The following DSTYK variants were observed in gnomAD, a reference collection of about 807,000 sequenced individuals.
DSTYK encodes RIP-homologous kinase.
A neutral mutation model predicts 98.7 loss-of-function variants in DSTYK; 34 were observed. The observed-to-expected ratio is 0.34, with a 90% CI of 0.26 to 0.46. The LOEUF (loss-of-function observed/expected upper bound fraction) is 0.46. Ranked by LOEUF, DSTYK falls within the 20% of genes least tolerant of loss-of-function variation. The probability of loss-of-function intolerance (pLI) is 1.00; values close to 1 mark genes in which losing one functional copy is unlikely to be tolerated. For synonymous variants in DSTYK, 462 were observed against 457.3 expected (o/e 1.01, Z -0.13); for missense variants, 962 against 1,181.7 (o/e 0.81, Z 2.73).
chr1:205,165,048 A>C (rs1444610628), intron 3 of DSTYK, among the ~76,000 whole-genome samples: 1 of 152,156 alleles, frequency 6.6e-6, no homozygotes, highest in East Asian at 1.9e-4. Context: ...TCCCTAGCAT[A>C]TTAATGAGAA....
intron 1 of DSTYK, among the ~76,000 whole-genome samples, chr1:205,205,233 C>A (rs1475936628): frequency 6.6e-6 from 1 of 152,106 alleles, no homozygotes. Context: ...CCATCCCAGT[C>A]TCAGCACTGC....
chr1:205,174,508 G>A (rs1193723163), intron 2 of DSTYK, among the ~76,000 whole-genome samples: 9 of 98,426 alleles, frequency 9.1e-5, no homozygotes, highest in South Asian at 1.2e-3. Flanking sequence ...GTGAGACTCC[G>A]TCTCCAAAAA....
chr1:205,187,507 C>T lies in DSTYK; in HGVS notation c.565G>A (p.Glu189Lys), dbSNP rs1658588949. 1 of 1,614,080 alleles carries T rather than the reference C, an allele frequency of 6.2e-7. No individual in the cohort carries two copies. Among genetic ancestry groups the T allele is most frequent in the Non-Finnish European group, 8.5e-7 (1 of 1,180,050 alleles). Residue 189 changes from glutamate (E) to lysine (K), a missense_variant, in exon 2 of 13, where the codon GAG (glutamate) becomes AAG (lysine). By Grantham distance (56) the Glu-to-Lys change is moderately conservative. Coordinates refer to ENST00000367162, the MANE Select transcript of DSTYK (RefSeq NM_015375.3). ...TTCTCTTGGACCTCCAGATCCTCCTCAGGGATGGTCTCCCAGTTGCCCTGA... is the reference window on the plus strand; with the variant it reads ...TTCTCTTGGACCTCCAGATCCTCCTTAGGGATGGTCTCCCAGTTGCCCTGA... ...AHQGNWETIPEEDLEVQENNE... is the reference protein window; with the variant it reads ...AHQGNWETIPKEDLEVQENNE...
In DSTYK at chr1:205,187,797, C is replaced by T. The variant is rs779211149; in HGVS notation, c.275G>A (p.Ser92Asn). 6.2e-7 allele frequency: 1 copy of T among 1,610,020 alleles called. No homozygotes were observed. Among genetic ancestry groups the T allele is most frequent in the Non-Finnish European group, 8.5e-7 (1 of 1,177,698 alleles). The change falls in exon 2 of 13, where the codon AGC becomes AAC. Residue 92 changes from serine (S) to asparagine (N), a missense_variant. Physicochemically the swap from Ser to Asn is conservative, Grantham distance 46. Coordinates refer to ENST00000367162, the MANE Select transcript of DSTYK (RefSeq NM_015375.3). Reference sequence around the variant, plus strand: ...TTCCTTAGGTGGGAAGGAAATGCAGCTCAGTTGGCCTGGTTGGGGAAGGGG... The same window carrying T: ...TTCCTTAGGTGGGAAGGAAATGCAGTTCAGTTGGCCTGGTTGGGGAAGGGG... ...AETGLQAGQL[S>N]CISFPPKEEK...
intron 1 of DSTYK, among the ~76,000 whole-genome samples, chr1:205,207,472 C>T (rs1012360516): frequency 1.3e-5 from 2 of 151,066 alleles, no homozygotes; most frequent in African/African-American, 4.9e-5. Context: ...TTTCCCATGC[C>T]GGGCACAGTG....
intron 2 of DSTYK, among the ~76,000 whole-genome samples, chr1:205,186,920 T>C (rs190850264): frequency 2.9e-3 from 442 of 152,286 alleles, no homozygotes; most frequent in Non-Finnish European, 4.7e-3. Flanking sequence ...AAATGATCTA[T>C]CCTCTGTACT....
chr1:205,199,461 T>G (rs747888186), intron 1 of DSTYK, among the ~76,000 whole-genome samples: 1 of 152,162 alleles, frequency 6.6e-6, no homozygotes, highest in Non-Finnish European at 1.5e-5. Flanking sequence ...AGAGTCTCAT[T>G]TATAGCTCAA....
At chr1:205,197,479 T>TA (rs1315484456) in intron 1 of DSTYK, among the ~76,000 whole-genome samples, 1 of 152,176 alleles carries the variant, frequency 6.6e-6, no homozygotes, top group East Asian at 1.9e-4. Flanking sequence ...TCGCAACACT[T>TA]ACGTATGTTT....
chr1:205,166,001 G>A (rs545852281), intron 3 of DSTYK, among the ~76,000 whole-genome samples: 2 of 150,956 alleles, frequency 1.3e-5, no homozygotes, highest in South Asian at 2.1e-4. Context: ...CAGCCTGGGC[G>A]ACAGAACAAG....
intron 1 of DSTYK, among the ~76,000 whole-genome samples, chr1:205,205,831 T>C (rs937763223): frequency 1.3e-5 from 2 of 152,142 alleles, no homozygotes; most frequent in East Asian, 3.8e-4. Context: ...AAAAAGAAGG[T>C]GAAGAATGTT....
At chr1:205,154,760 C>T (rs1317532629) in intron 10 of DSTYK, among the ~76,000 whole-genome samples, 2 of 152,124 alleles carry the variant, frequency 1.3e-5, no homozygotes, top group Non-Finnish European at 2.9e-5. Context: ...TTCCTAGAGA[C>T]TTGTTGAATG....
intron 4 of DSTYK, 40 bp from the exon 5 acceptor site, chr1:205,163,046 T>C (rs1657781212): frequency 7.8e-6 from 12 of 1,530,550 alleles, no homozygotes; most frequent in Non-Finnish European, 1.1e-5. Context: ...TCCTCAGTAG[T>C]GTGGCTATTT....
intron 2 of DSTYK, among the ~76,000 whole-genome samples, chr1:205,179,562 A>G (rs1209500304): frequency 6.6e-6 from 1 of 150,740 alleles, no homozygotes; most frequent in Non-Finnish European, 1.5e-5. Flanking sequence ...CAGAGCTTGC[A>G]GTGAGCCGAG....
At chr1:205,157,545 T>A (rs1657599178) in intron 9 of DSTYK, among the ~76,000 whole-genome samples, 159 bp from the exon 10 acceptor site, 1 of 151,918 alleles carries the variant, frequency 6.6e-6, no homozygotes, top group African/African-American at 2.4e-5. Context: ...GAGGCCAAGG[T>A]CAAGAATTTC....
intron 9 of DSTYK, 122 bp downstream of exon 9, chr1:205,159,425 A>G: frequency 1.6e-6 from 2 of 1,236,282 alleles, no homozygotes; most frequent in East Asian, 5.2e-5. Flanking sequence ...TAAGTGAAAT[A>G]AACCCTAATT....
At chr1:205,187,917 G>C in intron 1 of DSTYK, 111 bp from the exon 2 acceptor site, 1 of 1,118,170 alleles carries the variant, frequency 8.9e-7, no homozygotes, top group Non-Finnish European at 1.2e-6. Context: ...CAAGGTCCTA[G>C]AGGAGAAATT....
At chr1:205,154,980 T>C (rs547133656) in intron 10 of DSTYK, among the ~76,000 whole-genome samples, 105 of 151,576 alleles carry the variant, frequency 6.9e-4, no homozygotes, top group African/African-American at 2.2e-3. Flanking sequence ...ATTTATTTAT[T>C]TATTTATTTA....
rs570901123 is a variant in DSTYK, at chr1:205,183,007, C to T, written c.654+4411G>A. ...TCCAGGCTGCAGGAATCCCATCTTA[C>T]GCTGAGCAAGTTTAATCACTTCTGC... On this transcript the variant is annotated intron_variant, in intron 2 of 12. Transcript: ENST00000367162. 4.6e-5 allele frequency among the ~76,000 whole-genome samples: 7 copies of T among 151,480 alleles called. No homozygotes were observed. The South Asian group carries it at 6.3e-4, about 14-fold the overall frequency.
At chr1:205,160,344 T>TC in intron 7 of DSTYK, 74 bp from the exon 8 acceptor site, 1 of 1,445,348 alleles carries the variant, frequency 6.9e-7, no homozygotes, top group African/African-American at 1.4e-5. Context: ...GATTCTTTTT[T>TC]TTTTTTTTTG....
Sources: gnomAD v4.1 joint callset for allele counts (sites outside exome capture counted in the v4.1 genomes callset) on GRCh38, gnomAD v4.1.1 for gene constraint, MANE v1.5 for transcripts, NCBI Gene and HGNC (gene_info 2026-07-23, HGNC 2026-07-21) for gene names.